The following SHC2 variants were observed in gnomAD, a reference collection of about 807,000 sequenced individuals.
SHC2 encodes the protein SHC-transforming protein 2.
Under a neutral mutation model 60.6 loss-of-function variants are expected in SHC2, and 62 were observed. The ratio of observed to expected loss-of-function variants is 1.02; its 90% confidence interval spans 0.83 to 1.26. The LOEUF (loss-of-function observed/expected upper bound fraction) is 1.26. SHC2 is among the 50% of genes most tolerant of loss of function. The pLI, the probability that SHC2 is intolerant of heterozygous loss-of-function variation, is 0.00. For missense variants in SHC2, 873 were observed against 822.2 expected (o/e 1.06, Z -0.76); for synonymous variants, 375 against 372.4 (o/e 1.01, Z -0.08).
intron 1 of SHC2, 46 bp downstream of exon 1, chr19:460,483 G>A (rs1369819807): frequency 2.9e-6 from 3 of 1,036,700 alleles, no homozygotes; most frequent in Admixed American, 4.7e-5. Context: ...GTGGGGGAGG[G>A]GAGGCCGCCG....
At chr19:434,368 G>GTGAGTGAGATGATGAGTC (rs1974657318) in intron 8 of SHC2, among the ~76,000 whole-genome samples, 1 of 105,962 alleles carries the variant, frequency 9.4e-6, no homozygotes, top group Non-Finnish European at 1.9e-5. Flanking sequence ...TCATGAGATC[G>GTGAGTGAGATGATGAGTC]TGAGTGAGAT....
Position 434,868 on chromosome 19 carries a change from G to A in SHC2, c.954-3C>T, listed in dbSNP as rs1017023751. 2 of 1,608,950 alleles carry A rather than the reference G, an allele frequency of 1.2e-6. No individual in the cohort carries two copies. Among genetic ancestry groups the A allele is most frequent in the East Asian group, 2.2e-5 (1 of 44,820 alleles). ...CCGACTCCTCCGGCCCTGCCAGCCT[G>A]GGGGACAGACAACAACGGCCATGGC... On this transcript the variant is annotated splice_polypyrimidine_tract_variant and splice_region_variant and intron_variant, in intron 7 of 12. Transcript: ENST00000264554.
At position 447,000 on chromosome 19, in the gene SHC2, T is replaced by C. The variant is rs1365032508; in HGVS notation, c.469-6068A>G. 6.6e-6 allele frequency among the ~76,000 whole-genome samples: 1 copy of C among 152,240 alleles called. No individual in the cohort carries two copies. Among genetic ancestry groups the C allele is most frequent in the East Asian group, 1.9e-4 (1 of 5,196 alleles). ...GTCTGTATCGATGTCATTTACTTGG[T>C]ATTTTCCTTCTAAATAAACTCCACT... is the stretch of plus-strand genomic sequence containing the variant. On this transcript the variant is annotated intron_variant, in intron 1 of 12. Transcript: ENST00000264554. This position sits in a 1 kb window ranked among gnomAD's most constrained non-coding sequence, Gnocchi z 5.4.
At position 441,903 on chromosome 19, in the gene SHC2, T is replaced by C. The variant is rs1263255727; in HGVS notation, c.469-971A>G. Among the ~76,000 whole-genome samples the C allele has an allele frequency of 6.6e-6, 1 of 152,234 alleles. No homozygotes were observed. Among genetic ancestry groups the C allele is most frequent in the African/African-American group, 2.4e-5 (1 of 41,468 alleles). ...CATTTTTAGGACTTTACCCCACAGA[T>C]ACATCAGCCTGAGGGCTTCTGAGGT... On this transcript the variant is annotated intron_variant, in intron 1 of 12. Transcript: ENST00000264554. This position sits in a 1 kb window ranked among gnomAD's most constrained non-coding sequence, Gnocchi z 4.9.
intron 1 of SHC2, among the ~76,000 whole-genome samples, chr19:444,655 C>T (rs139732945): frequency 2.0e-5 from 3 of 152,298 alleles, no homozygotes; most frequent in Non-Finnish European, 4.4e-5. Context: ...GGTAAACACA[C>T]GAGGTAGGAT....
intron 9 of SHC2, among the ~76,000 whole-genome samples, chr19:426,211 C>T (rs1974411568): frequency 6.6e-6 from 1 of 152,164 alleles, no homozygotes; most frequent in Non-Finnish European, 1.5e-5. Flanking sequence ...GCTGCACTAG[C>T]CCTTGCTGGG....
chr19:446,960 A>G lies in SHC2; in HGVS notation c.469-6028T>C, dbSNP rs908241671. ...CACGCCAGCCACCGGGACCCACCTC[A>G]TAGGCTTTGCCATGGTCTGTATCGA... On this transcript the variant is annotated intron_variant, in intron 1 of 12. Coordinates refer to ENST00000264554, the MANE Select transcript of SHC2 (RefSeq NM_012435.3). The surrounding 1 kb of genome is among the most constrained non-coding windows in gnomAD (Gnocchi z 5.4). Among the ~76,000 whole-genome samples, 3 of 152,236 alleles carry G rather than the reference A, an allele frequency of 2.0e-5. No individual in the cohort carries two copies. Among genetic ancestry groups the G allele is most frequent in the African/African-American group, 4.8e-5 (2 of 41,466 alleles).
rs1389463438 is a variant in SHC2, at chr19:446,917, C to A, written c.469-5985G>T. ...TGCACTCCCAGCCTGGGAGACCGTC[C>A]GAGTCTCCGCCACCGCCCACGCCAG... On this transcript the variant is annotated intron_variant, in intron 1 of 12. Coordinates refer to ENST00000264554, the MANE Select transcript of SHC2 (RefSeq NM_012435.3). The surrounding 1 kb of genome is among the most constrained non-coding windows in gnomAD (Gnocchi z 5.4). Among the ~76,000 whole-genome samples, 1 of 152,140 alleles carries A rather than the reference C, an allele frequency of 6.6e-6. No individual in the cohort carries two copies. The highest frequency in any genetic ancestry group is 1.9e-4 in the East Asian group (1 of 5,196).
At chr19:434,538 T>G (rs2145716146) in intron 8 of SHC2, among the ~76,000 whole-genome samples, 171 bp downstream of exon 8, 10 of 2,372 alleles carry the variant, frequency 4.2e-3, no homozygotes, top group Admixed American at 0.012. Context: ...GTGAGTGAGA[T>G]TGTGAGTCTG....
chr19:458,107 G>A (rs572002263), intron 1 of SHC2, among the ~76,000 whole-genome samples: 1 of 131,926 alleles, frequency 7.6e-6, no homozygotes, highest in East Asian at 2.0e-4. Flanking sequence ...GTCCCGGGGA[G>A]GCAGAAGCGG....
chr19:438,829 G>C lies in SHC2; in HGVS notation c.609C>G (p.Asn203Lys). 1 of 1,567,618 alleles carries C rather than the reference G, an allele frequency of 6.4e-7. No homozygotes were observed. Among genetic ancestry groups the C allele is most frequent in the Non-Finnish European group, 8.6e-7 (1 of 1,157,282 alleles). ...TGCCCAGGACGGACGCCAGGGCCTT[G>C]TTGGGGGCCTGAGTTGGGGGCGGAG... ...VRGSWKKKAP[N>K]KALASVLGKS... Residue 203 changes from asparagine (N) to lysine (K), a missense_variant, in exon 4 of 13, where the codon AAC (asparagine) becomes AAG (lysine). Asn to Lys is a moderately conservative substitution (Grantham distance 94, BLOSUM62 0). Transcript: ENST00000264554. The surrounding 1 kb of genome is among the most constrained non-coding windows in gnomAD (Gnocchi z 5.0).
intron 1 of SHC2, among the ~76,000 whole-genome samples, chr19:452,920 C>G (rs956371979): frequency 6.6e-6 from 1 of 152,174 alleles, no homozygotes; most frequent in African/African-American, 2.4e-5. Context: ...TTGGTGGCCC[C>G]GTTCCCTTCC....
chr19:436,339 C>G (rs781272922), intron 6 of SHC2, 41 bp downstream of exon 6: 1 of 1,595,210 alleles, frequency 6.3e-7, no homozygotes, highest in Non-Finnish European at 8.6e-7. Flanking sequence ...GGCCGTGCCC[C>G]CCAGCCACAG....
At chr19:457,837 G>A (rs781710435) in intron 1 of SHC2, among the ~76,000 whole-genome samples, 16 of 152,384 alleles carry the variant, frequency 1.0e-4, no homozygotes, top group Non-Finnish European at 1.9e-4. Flanking sequence ...GGCCGTCGGC[G>A]TTAAACTTGT....
In SHC2 at chr19:425,194, C is replaced by T. The variant is rs1600276810; in HGVS notation, c.1212G>A (p.Arg404=). The change falls in exon 10 of 13, where the codon CGG becomes CGA. Residue 404 remains arginine (R), a synonymous_variant. Coordinates refer to ENST00000264554, the MANE Select transcript of SHC2 (RefSeq NM_012435.3). This position sits in a 1 kb window ranked among gnomAD's most constrained non-coding sequence, Gnocchi z 4.1. ...PGDGYVQADA[R]GPPDHEEHLY... ...GGTGCTCCTCGTGGTCCGGGGGGCC[C>T]CGGGCGTCCGCCTGCACGTAGCCGT... 7.4e-7 allele frequency: 1 copy of T among 1,344,056 alleles called. No homozygotes were observed. Among genetic ancestry groups the T allele is most frequent in the Middle Eastern group, 2.1e-4 (1 of 4,822 alleles). 83.3% of individuals were successfully genotyped at this position (1,344,056 alleles called of 1,614,324 possible).
intron 8 of SHC2, among the ~76,000 whole-genome samples, chr19:431,236 G>A (rs956560226): frequency 2.0e-5 from 3 of 152,262 alleles, no homozygotes; most frequent in African/African-American, 7.2e-5. Flanking sequence ...ATGCCACCTC[G>A]TCTAATGTGT....
intron 1 of SHC2, among the ~76,000 whole-genome samples, chr19:456,686 G>A (rs956638839): frequency 6.9e-6 from 1 of 144,520 alleles, no homozygotes; most frequent in African/African-American, 2.6e-5. Flanking sequence ...CCCTGCGTGG[G>A]GCCTTTGCAC....
At position 438,493 on chromosome 19, in the gene SHC2, C is replaced by T. The variant is rs985983596; in HGVS notation, c.720+225G>A. On this transcript the variant is annotated intron_variant, in intron 4 of 12. Transcript: ENST00000264554. This position sits in a 1 kb window ranked among gnomAD's most constrained non-coding sequence, Gnocchi z 5.0. ...GTCCCTGCCCCCACCCACTCCATGC[C>T]AGGAGCGCCCCTGTATCAGGACGGC... 2.0e-5 allele frequency among the ~76,000 whole-genome samples: 3 copies of T among 152,234 alleles called. No homozygotes were observed. The highest frequency in any genetic ancestry group is 4.4e-5 in the Non-Finnish European group (3 of 68,024).
intron 4 of SHC2, among the ~76,000 whole-genome samples, chr19:437,592 C>T (rs1265620279): frequency 6.6e-6 from 1 of 152,070 alleles, no homozygotes; most frequent in Non-Finnish European, 1.5e-5. Flanking sequence ...AGTATCCTGT[C>T]CATATAGTGG....
Sources: allele counts gnomAD v4.1 joint callset (sites outside exome capture counted in the v4.1 genomes callset), GRCh38; gene constraint gnomAD v4.1.1; non-coding constraint Gnocchi (gnomAD v3.1); transcripts MANE v1.5; gene names NCBI Gene and HGNC (gene_info 2026-07-23, HGNC 2026-07-21).